RPS6KC1: variants seen among roughly 807,000 people sequenced by gnomAD.
RPS6KC1 encodes inactive ribosomal protein S6 kinase delta-1.
RPS6KC1 carries 54 observed loss-of-function variants against 103.8 expected under a neutral mutation model. The observed-to-expected ratio is 0.52, with a 90% CI of 0.42 to 0.65. The LOEUF (loss-of-function observed/expected upper bound fraction) is 0.65. RPS6KC1 is among the 30% of genes least tolerant of loss of function. The probability of loss-of-function intolerance (pLI) is 0.00; values close to 1 mark genes in which losing one functional copy is unlikely to be tolerated. For synonymous variants in RPS6KC1, 439 were observed against 438.7 expected (o/e 1.00, Z -0.01); for missense variants, 1,151 against 1,253.8 (o/e 0.92, Z 1.24).
chr1:213,121,250 C>T (rs1250642941), intron 5 of RPS6KC1, among the ~76,000 whole-genome samples: 3 of 152,090 alleles, frequency 2.0e-5, no homozygotes, highest in Non-Finnish European at 4.4e-5. Context: ...TTTAAAATTA[C>T]AGTTACTTTG....
At chr1:213,182,646 T>TA (rs2092326085) in intron 8 of RPS6KC1, among the ~76,000 whole-genome samples, 1 of 151,254 alleles carries the variant, frequency 6.6e-6, no homozygotes, top group Non-Finnish European at 1.5e-5. Flanking sequence ...ATATACCAGT[T>TA]AAAAAAACAG....
the RPS6KC1 span, among the ~76,000 whole-genome samples, chr1:213,567,365 A>G: frequency 1.3e-5 from 2 of 152,154 alleles, no homozygotes; most frequent in South Asian, 4.1e-4. Flanking sequence ...TCTTTGTATC[A>G]TGTAGGCTCA....
chr1:213,428,401 A>C, the RPS6KC1 span, among the ~76,000 whole-genome samples: 2,061 of 65,384 alleles, frequency 0.032, no homozygotes, highest in African/African-American at 0.039. Context: ...CTCTCTCTCC[A>C]CCTCCCTCCC....
the RPS6KC1 span, among the ~76,000 whole-genome samples, chr1:213,846,204 G>A: frequency 6.6e-6 from 1 of 151,752 alleles, no homozygotes; most frequent in Admixed American, 6.6e-5. Context: ...GGAGGCTGAG[G>A]CAGGAGAATC....
At chr1:213,068,663 A>G (rs2078573166) in intron 1 of RPS6KC1, among the ~76,000 whole-genome samples, 1 of 151,898 alleles carries the variant, frequency 6.6e-6, no homozygotes, top group Non-Finnish European at 1.5e-5. Flanking sequence ...AGTCTCTTAT[A>G]CTGAATCTGT....
chr1:213,835,112 T>C, the RPS6KC1 span, among the ~76,000 whole-genome samples: 22 of 152,164 alleles, frequency 1.4e-4, no homozygotes, highest in African/African-American at 5.3e-4. Context: ...AAATTAAAAA[T>C]GCAGTCAGTG....
chr1:213,781,722 G>T, the RPS6KC1 span, among the ~76,000 whole-genome samples: 1 of 152,044 alleles, frequency 6.6e-6, no homozygotes, highest in Non-Finnish European at 1.5e-5. Flanking sequence ...TCCCTATTCT[G>T]GGTTCAAGAG....
chr1:213,545,411 T>TAAAATAAAATA, the RPS6KC1 span, among the ~76,000 whole-genome samples: 1 of 75,256 alleles, frequency 1.3e-5, no homozygotes, highest in African/African-American at 3.9e-5. Context: ...AATAAATAAA[T>TAAAATAAAATA]AAATAAAATA....
the RPS6KC1 span, among the ~76,000 whole-genome samples, chr1:213,323,231 C>T: frequency 1.3e-5 from 2 of 152,016 alleles, no homozygotes; most frequent in South Asian, 2.1e-4. Flanking sequence ...GATAATTCCC[C>T]TGTTTTAAGA....
At chr1:213,579,810 T>G in the RPS6KC1 span, among the ~76,000 whole-genome samples, 1 of 152,062 alleles carries the variant, frequency 6.6e-6, no homozygotes, top group East Asian at 1.9e-4. Context: ...ACAGCACATC[T>G]ATTTATAGCA....
chr1:213,287,428 C>A, the RPS6KC1 span, among the ~76,000 whole-genome samples: 2 of 152,120 alleles, frequency 1.3e-5, no homozygotes, highest in African/African-American at 4.8e-5. Context: ...CTGCTATTGG[C>A]CAGTAAATAT....
chr1:213,520,608 G>A, the RPS6KC1 span, among the ~76,000 whole-genome samples: 38 of 151,330 alleles, frequency 2.5e-4, no homozygotes, highest in African/African-American at 7.8e-4. Context: ...CCCCTCCCTC[G>A]TTTCCTTCCT....
chr1:213,809,438 C>T, the RPS6KC1 span, among the ~76,000 whole-genome samples: 2 of 152,250 alleles, frequency 1.3e-5, no homozygotes, highest in Middle Eastern at 3.4e-3. Flanking sequence ...CCCAGAGACA[C>T]AGTGTGAGCT....
chr1:213,774,977 G>A, the RPS6KC1 span, among the ~76,000 whole-genome samples: 1 of 152,206 alleles, frequency 6.6e-6, no homozygotes, highest in Non-Finnish European at 1.5e-5. Flanking sequence ...TGAAACAAAG[G>A]AGGGCCAGGG....
chr1:213,635,592 T>A, the RPS6KC1 span, among the ~76,000 whole-genome samples: 2 of 152,156 alleles, frequency 1.3e-5, no homozygotes, highest in Non-Finnish European at 2.9e-5. Context: ...AAACTCTCAA[T>A]AAACTAGCTA....
chr1:213,301,774 C>T, the RPS6KC1 span, among the ~76,000 whole-genome samples: 3 of 150,756 alleles, frequency 2.0e-5, no homozygotes, highest in Non-Finnish European at 4.4e-5. Flanking sequence ...TCTCTGTCGC[C>T]CAGGCTACTA....
chr1:213,176,470 G>A lies in RPS6KC1; in HGVS notation c.1022G>A (p.Arg341Lys). ...CCTGCCGAGGAGCTGAAGGCCTTCAGAGTCCTTGGGGTGATTGACAAGGTA... is the reference window on the plus strand; with the variant it reads ...CCTGCCGAGGAGCTGAAGGCCTTCAAAGTCCTTGGGGTGATTGACAAGGTA... ...RSPAEELKAF[R>K]VLGVIDKVLL... Residue 341 changes from arginine to lysine, a missense_variant, in exon 8 of 15, where the codon AGA becomes AAA. By Grantham distance (26) the Arg-to-Lys change is conservative. Transcript: ENST00000366960. The A allele has an allele frequency of 6.2e-7, 1 of 1,608,090 alleles. No homozygotes were observed. The highest frequency in any genetic ancestry group is 8.5e-7 in the Non-Finnish European group (1 of 1,175,488).
the RPS6KC1 span, among the ~76,000 whole-genome samples, chr1:213,607,253 G>A: frequency 6.6e-6 from 1 of 152,202 alleles, no homozygotes; most frequent in East Asian, 1.9e-4. Context: ...GAGTGTTAGG[G>A]TGTGGCAATA....
At chr1:213,591,303 T>C in the RPS6KC1 span, among the ~76,000 whole-genome samples, 4 of 152,228 alleles carry the variant, frequency 2.6e-5, no homozygotes, top group Non-Finnish European at 5.9e-5. Context: ...GTGACTTCTC[T>C]TCTTGATTGC....
Sources: allele counts gnomAD v4.1 joint callset (sites outside exome capture counted in the v4.1 genomes callset), GRCh38; gene constraint gnomAD v4.1.1; transcripts MANE v1.5; gene names NCBI Gene and HGNC (gene_info 2026-07-23, HGNC 2026-07-21).